Variants in CTDSPL observed in about 807,000 individuals in gnomAD.
CTDSPL encodes CTD small phosphatase-like protein.
A neutral mutation model predicts 30.5 loss-of-function variants in CTDSPL; 8 were observed. The observed-to-expected ratio is 0.26, with a 90% CI of 0.15 to 0.47. The LOEUF (loss-of-function observed/expected upper bound fraction) is 0.47. CTDSPL is among the 20% of genes least tolerant of loss of function. CTDSPL has a pLI of 0.99. For synonymous variants in CTDSPL, 110 were observed against 137.9 expected (o/e 0.80, Z 1.42); for missense variants, 248 against 366.1 (o/e 0.68, Z 2.63).
At chr3:37,973,186 TC>T (rs1273831647) in intron 6 of CTDSPL, among the ~76,000 whole-genome samples, 1 of 152,240 alleles carries the variant, frequency 6.6e-6, no homozygotes, top group African/African-American at 2.4e-5. Context: ...AATAGAGTCT[TC>T]CCCAGTGGGT....
At chr3:37,901,688 A>C (rs11715793) in intron 1 of CTDSPL, among the ~76,000 whole-genome samples, 9,046 of 152,226 alleles carry the variant, frequency 0.059, 308 homozygotes, top group African/African-American at 0.084. Context: ...ATCCAATGGA[A>C]ATATGCAGAG....
At chr3:37,969,626 C>A in intron 5 of CTDSPL, 1 of 333,204 alleles carries the variant, frequency 3.0e-6, no homozygotes. Context: ...GGACTACAGG[C>A]CACACCCGTT....
chr3:37,934,856 C>T (rs1215150333), intron 1 of CTDSPL, among the ~76,000 whole-genome samples: 2 of 152,154 alleles, frequency 1.3e-5, no homozygotes, highest in African/African-American at 4.8e-5. Context: ...CAGTAAACAT[C>T]TATTATTAGA....
intron 2 of CTDSPL, chr3:37,954,840 C>G (rs1699151832): frequency 6.6e-6 from 1 of 152,228 alleles, no homozygotes; most frequent in Non-Finnish European, 1.5e-5. Flanking sequence ...GCAAGGACAG[C>G]GTAAAACAGA....
intron 1 of CTDSPL, among the ~76,000 whole-genome samples, chr3:37,935,830 G>T (rs1180861163): frequency 6.6e-6 from 1 of 152,152 alleles, no homozygotes; most frequent in East Asian, 1.9e-4. Context: ...AGAGTCCCAG[G>T]GAAAGGTAGG....
rs182267323 is a variant in CTDSPL at position 37,928,508 on chromosome 3, C to G, written c.80-18549C>G. ...TGATGTCGTGCACCTTCTTATATAC[C>G]TGTTGACCACTTGTATGTCTTTAGA... On this transcript the variant is annotated intron_variant, in intron 1 of 7. Transcript: ENST00000273179. Among the ~76,000 whole-genome samples, 19 of 152,274 alleles carry G rather than the reference C, an allele frequency of 1.2e-4. No homozygotes were observed. The East Asian group carries it at 3.3e-3, about 26-fold the overall frequency.
chr3:37,876,588 T>C (rs1698136899), intron 1 of CTDSPL, among the ~76,000 whole-genome samples: 1 of 152,238 alleles, frequency 6.6e-6, no homozygotes. Flanking sequence ...TCTTTTTATG[T>C]GTTTATTTGC....
At chr3:37,965,151 G>C (rs1356017415) in intron 4 of CTDSPL, among the ~76,000 whole-genome samples, 1 of 152,186 alleles carries the variant, frequency 6.6e-6, no homozygotes, top group Non-Finnish European at 1.5e-5. Flanking sequence ...AGACTTCAGG[G>C]CATCTGAACA....
intron 2 of CTDSPL, chr3:37,954,357 A>G (rs1468460704): frequency 1.3e-5 from 2 of 152,260 alleles, no homozygotes; most frequent in South Asian, 2.1e-4. Context: ...CGTCATTTCC[A>G]TAACACTTGA....
chr3:37,891,601 T>C (rs1301219831), intron 1 of CTDSPL, among the ~76,000 whole-genome samples: 1 of 152,244 alleles, frequency 6.6e-6, no homozygotes, highest in Non-Finnish European at 1.5e-5. Context: ...GCACTTAAAA[T>C]TAGTTTTCAT....
intron 7 of CTDSPL, among the ~76,000 whole-genome samples, chr3:37,979,023 A>G (rs1315907756): frequency 6.6e-6 from 1 of 152,188 alleles, no homozygotes; most frequent in Non-Finnish European, 1.5e-5. Context: ...ATTTCTAAAG[A>G]TATTAACATA....
intron 2 of CTDSPL, among the ~76,000 whole-genome samples, chr3:37,956,655 C>G (rs1699176754): frequency 6.6e-6 from 1 of 152,140 alleles, no homozygotes; most frequent in African/African-American, 2.4e-5. Context: ...TGGGGAGCTC[C>G]TGGAATGACC....
intron 3 of CTDSPL, among the ~76,000 whole-genome samples, chr3:37,963,693 A>G (rs1699267289): frequency 6.6e-6 from 1 of 152,224 alleles, no homozygotes; most frequent in Non-Finnish European, 1.5e-5. Context: ...GGTTGGCCAG[A>G]GATACCTAGC....
At position 37,975,844 on chromosome 3, in the gene CTDSPL, A is replaced by C. The variant is rs1344540365; in HGVS notation, c.655A>C (p.Ile219Leu). The C allele has an allele frequency of 3.7e-6, 6 of 1,614,150 alleles. No homozygotes were observed. In the South Asian group the frequency reaches 6.6e-5, roughly 18 times the overall value. ...SRLGRELSKV[I>L]IVDNSPASYI... ...CCTTGGGCGGGAGCTGAGCAAAGTGATCATTGTTGACAATTCCCCTGCCTC... is the reference window on the plus strand; with the variant it reads ...CCTTGGGCGGGAGCTGAGCAAAGTGCTCATTGTTGACAATTCCCCTGCCTC... The change falls in exon 7 of 8, where the codon ATC (isoleucine) becomes CTC (leucine). Residue 219 changes from isoleucine (I) to leucine (L), a missense_variant. Around this residue, in one of 4 missense-constraint regions of CTDSPL, gnomAD observed 84 missense variants for 139.4 expected, o/e 0.60. Coordinates refer to ENST00000273179, the MANE Select transcript of CTDSPL (RefSeq NM_001008392.2). The surrounding 1 kb of genome is among the most constrained non-coding windows in gnomAD (Gnocchi z 4.9).
rs534284204 is a variant in CTDSPL, at chr3:37,957,038, G to T, written c.235-73G>T. On this transcript the variant is annotated intron_variant, in intron 2 of 7. Transcript: ENST00000273179. The stretch of plus-strand genomic sequence containing the variant: ...TCATGCAGCTGCTGTGCTCAAGAGG[G>T]CTTTGAAGTTTCTTTTGAGAATATG... 3.3e-6 allele frequency: 4 copies of T among 1,213,390 alleles called. No homozygotes were observed. The East Asian group carries it at 7.0e-5, about 21-fold the overall frequency. 75.2% of individuals were successfully genotyped at this position (1,213,390 alleles called of 1,614,324 possible).
chr3:37,965,244 C>T (rs1699286780), intron 4 of CTDSPL, among the ~76,000 whole-genome samples: 1 of 152,134 alleles, frequency 6.6e-6, no homozygotes, highest in African/African-American at 2.4e-5. Context: ...TGAGTACCCA[C>T]CTTCAGGACT....
At chr3:37,931,003 CTTT>C (rs374075430) in intron 1 of CTDSPL, among the ~76,000 whole-genome samples, 1 of 151,920 alleles carries the variant, frequency 6.6e-6, no homozygotes, top group Admixed American at 6.6e-5. Context: ...CTTTTGCTCT[CTTT>C]TTTTTCCGTT....
chr3:37,904,105 A>G (rs1451134521), intron 1 of CTDSPL, among the ~76,000 whole-genome samples: 1 of 152,260 alleles, frequency 6.6e-6, no homozygotes, highest in African/African-American at 2.4e-5. Flanking sequence ...GAAGAATTCT[A>G]TAGGATAAAG....
At chr3:37,915,878 T>A (rs1353536922) in intron 1 of CTDSPL, among the ~76,000 whole-genome samples, 1 of 152,224 alleles carries the variant, frequency 6.6e-6, no homozygotes. Flanking sequence ...CTAGAAATAA[T>A]CTGAGGCCTT....
Sources: gnomAD v4.1 joint callset for allele counts (sites outside exome capture counted in the v4.1 genomes callset) on GRCh38, gnomAD v4.1.1 for gene constraint, gnomAD v4.1.1 regional missense constraint, Gnocchi (gnomAD v3.1) non-coding constraint, MANE v1.5 for transcripts, NCBI Gene and HGNC (gene_info 2026-07-23, HGNC 2026-07-21) for gene names.